Variants in PRKACB observed in about 807,000 individuals in gnomAD.
The protein encoded by PRKACB is cAMP-dependent protein kinase catalytic subunit beta.
In PRKACB, 16 loss-of-function variants were observed where a neutral mutation model predicts 51.4. That is an observed-to-expected ratio of 0.31 (90% CI 0.21 to 0.47). The LOEUF (loss-of-function observed/expected upper bound fraction) is 0.47. PRKACB is among the 20% of genes least tolerant of loss of function. The pLI, the probability that PRKACB is intolerant of heterozygous loss-of-function variation, is 1.00. For missense variants in PRKACB, 309 were observed against 464.5 expected (o/e 0.67, Z 3.08); for synonymous variants, 147 against 154.4 (o/e 0.95, Z 0.35).
intron 8 of PRKACB, among the ~76,000 whole-genome samples, chr1:84,212,394 A>G (rs1488274330): frequency 6.6e-6 from 1 of 152,190 alleles, no homozygotes; most frequent in Admixed American, 6.5e-5. Context: ...TATGGTTATG[A>G]ATTTAACTTT....
intron 1 of PRKACB, among the ~76,000 whole-genome samples, chr1:84,119,956 C>A (rs1241436143): frequency 6.6e-6 from 1 of 151,992 alleles, no homozygotes; most frequent in Admixed American, 6.6e-5. Context: ...TTTTTATACT[C>A]AATATGCAAA....
intron 9 of PRKACB, among the ~76,000 whole-genome samples, chr1:84,229,212 G>A (rs1214250240): frequency 7.0e-6 from 1 of 143,854 alleles, no homozygotes; most frequent in Non-Finnish European, 1.5e-5. Flanking sequence ...ATAGTTTACT[G>A]AGAATGATGA....
chr1:84,106,458 A>G (rs1006019681), intron 1 of PRKACB, among the ~76,000 whole-genome samples: 1 of 152,210 alleles, frequency 6.6e-6, no homozygotes, highest in Non-Finnish European at 1.5e-5. Flanking sequence ...GCTATACACT[A>G]ACAGCACCCA....
chr1:84,105,150 A>G (rs1241037315), intron 1 of PRKACB, among the ~76,000 whole-genome samples: 7 of 152,220 alleles, frequency 4.6e-5, no homozygotes, highest in Non-Finnish European at 1.0e-4. Flanking sequence ...TAAATAACCA[A>G]TGTAGTCCTC....
chr1:84,183,627 T>G (rs1664235685), intron 3 of PRKACB, among the ~76,000 whole-genome samples: 1 of 151,886 alleles, frequency 6.6e-6, no homozygotes, highest in African/African-American at 2.4e-5. Flanking sequence ...ATAGAGGACT[T>G]TAAGTCATTA....
At chr1:84,130,125 G>A (rs1039224704) in intron 1 of PRKACB, among the ~76,000 whole-genome samples, 2 of 141,030 alleles carry the variant, frequency 1.4e-5, no homozygotes, top group Admixed American at 7.7e-5. Flanking sequence ...GGGAGGCGGA[G>A]CTTGCAGTGA....
intron 1 of PRKACB, among the ~76,000 whole-genome samples, chr1:84,168,476 TGAA>T (rs1658260756): frequency 6.6e-6 from 1 of 151,500 alleles, no homozygotes; most frequent in South Asian, 2.1e-4. Flanking sequence ...GGCAAATCTC[TGAA>T]GAAGAAGGCA....
rs1227312805 is a variant in PRKACB, at chr1:84,204,617, A to G, written c.906+1812A>G. 7 of 1,248,758 alleles carry G rather than the reference A, an allele frequency of 5.6e-6. No individual in the cohort carries two copies. In the African/African-American group the frequency reaches 1.1e-4, roughly 19 times the overall value. The allele number at this position is 1,248,758 out of a possible 1,614,324, so 77.4% of individuals were successfully genotyped here. On this transcript the variant is annotated intron_variant, in intron 8 of 9. Transcript: ENST00000370685. Reference sequence around the variant, plus strand: ...TGAAGAATGATGAGAGAACCAAAATACATTAAAATCACAAATGGAAGAAGA... The same window carrying G: ...TGAAGAATGATGAGAGAACCAAAATGCATTAAAATCACAAATGGAAGAAGA...
upstream of PRKACB, among the ~76,000 whole-genome samples, chr1:84,139,375 T>C (rs560334987): frequency 6.6e-6 from 1 of 152,320 alleles, no homozygotes; most frequent in South Asian, 2.1e-4. Context: ...TGTATTAGTT[T>C]GGTACAAAAG....
At chr1:84,208,697 G>A (rs1459048428) in intron 8 of PRKACB, among the ~76,000 whole-genome samples, 1 of 152,032 alleles carries the variant, frequency 6.6e-6, no homozygotes, top group East Asian at 1.9e-4. Context: ...TATTCTAATG[G>A]GAAGGCTTAA....
At chr1:84,109,051 G>A (rs1231520996) in intron 1 of PRKACB, among the ~76,000 whole-genome samples, 4 of 151,738 alleles carry the variant, frequency 2.6e-5, no homozygotes, top group Non-Finnish European at 5.9e-5. Context: ...ATTTGTTTGT[G>A]GGATTCATTC....
intron 8 of PRKACB, among the ~76,000 whole-genome samples, chr1:84,205,758 A>G (rs1444345446): frequency 6.6e-6 from 1 of 152,140 alleles, no homozygotes; most frequent in Non-Finnish European, 1.5e-5. Flanking sequence ...AATGCACACA[A>G]AGATGATCAA....
Position 84,096,438 on chromosome 1 carries a change from G to T in PRKACB, c.46+18067G>T, listed in dbSNP as rs113201869. Among the ~76,000 whole-genome samples, 575 of 152,220 alleles carry T rather than the reference G, an allele frequency of 3.8e-3. 3 individuals carry two copies. The highest frequency in any genetic ancestry group is 0.013 in the African/African-American group (541 of 41,572). ...TTATTTCTGGTTTCTTGGCCCTAAA[G>T]TCTCTGAATTCCATTTTTTTCCCTT... is the stretch of plus-strand genomic sequence containing the variant. On this transcript the variant is annotated intron_variant, in intron 1 of 8. Transcript: ENST00000370688.
intron 1 of PRKACB, among the ~76,000 whole-genome samples, chr1:84,154,423 A>G (rs1375883291): frequency 6.6e-6 from 1 of 152,162 alleles, no homozygotes. Flanking sequence ...CAGTAATCAA[A>G]AAAACCCCAA....
intron 1 of PRKACB, among the ~76,000 whole-genome samples, chr1:84,097,465 G>A (rs544607854): frequency 5.3e-4 from 81 of 152,134 alleles, no homozygotes; most frequent in Admixed American, 3.0e-3. Flanking sequence ...ATTTTGGTGT[G>A]TGTATTAATA....
At chr1:84,164,194 T>C in intron 1 of PRKACB, 3 of 1,195,484 alleles carry the variant, frequency 2.5e-6, no homozygotes, top group Admixed American at 6.0e-5. Context: ...TAACACAGAA[T>C]GTTTAAATGG....
At chr1:84,120,693 CTT>C (rs986043541) in intron 1 of PRKACB, among the ~76,000 whole-genome samples, 2 of 151,972 alleles carry the variant, frequency 1.3e-5, no homozygotes, top group African/African-American at 4.8e-5. Context: ...ATAGTTCTCT[CTT>C]AATAGGGAAA....
intron 1 of PRKACB, among the ~76,000 whole-genome samples, chr1:84,129,115 C>T (rs1197737614): frequency 1.3e-5 from 2 of 152,070 alleles, no homozygotes; most frequent in Non-Finnish European, 2.9e-5. Flanking sequence ...AATATTCTTA[C>T]ATTAGAATTG....
At chr1:84,079,886 G>A (rs1273943685) in intron 1 of PRKACB, among the ~76,000 whole-genome samples, 6 of 151,262 alleles carry the variant, frequency 4.0e-5, no homozygotes, top group South Asian at 4.2e-4. Flanking sequence ...GGCTGGTCTC[G>A]AACTCCTGAC....
Sources: allele counts gnomAD v4.1 joint callset (sites outside exome capture counted in the v4.1 genomes callset), GRCh38; gene constraint gnomAD v4.1.1; transcripts MANE v1.5; gene names NCBI Gene and HGNC (gene_info 2026-07-23, HGNC 2026-07-21).